Variants in ZPBP observed in about 807,000 individuals in gnomAD.
ZPBP encodes zona pellucida binding protein, also known as zona pellucida-binding protein 1.
ZPBP carries 26 observed loss-of-function variants against 44.8 expected under a neutral mutation model. The ratio of observed to expected loss-of-function variants is 0.58; its 90% CI spans 0.43 to 0.81. The LOEUF (loss-of-function observed/expected upper bound fraction) is 0.81. ZPBP is among the 30% of genes least tolerant of loss of function. The pLI, the probability that ZPBP is intolerant of heterozygous loss-of-function variation, is 0.00. For synonymous variants in ZPBP, 174 were observed against 153.2 expected, an observed-to-expected ratio of 1.14 and a Z score of -1.00; for missense variants, 409 against 434.0, an observed-to-expected ratio of 0.94 and a Z score of 0.51.
At chr7:49,848,316 G>A (rs145470064), downstream of ZPBP, among the ~76,000 whole-genome samples, 1,705 of 152,270 alleles carry the variant, frequency 0.011, 31 homozygotes, top group African/African-American at 0.038. Context: ...GTCTTTCCAG[G>A]ATCTTCTCTC....
In ZPBP at chr7:49,981,630, T is replaced by TA. The variant is rs1796962378; in HGVS notation, c.961+1711dup. Reference sequence around the variant, plus strand: ...TATATAATTATATTATATTATATTATATTATATATTATATAATATCTTGAT... The same window carrying TA: ...TATATAATTATATTATATTATATTATAATTATATATTATATAATATCTTGAT... On this transcript the variant is annotated intron_variant, in intron 7 of 7. Coordinates refer to ENST00000046087, the MANE Select transcript of ZPBP (RefSeq NM_007009.3). Among the ~76,000 whole-genome samples, 2 of 45,976 alleles carry TA rather than the reference T, an allele frequency of 4.4e-5. 1 individual carries two copies. The highest frequency in any genetic ancestry group is 6.5e-5 in the Non-Finnish European group (2 of 30,948). 30.2% of individuals were successfully genotyped at this position (45,976 alleles called of 152,430 possible).
At chr7:49,882,087 C>CA (rs1791688908) in intron 2 of ZPBP, among the ~76,000 whole-genome samples, 1 of 151,732 alleles carries the variant, frequency 6.6e-6, no homozygotes. Context: ...TTATTTAAAA[C>CA]AAAAAATGAT....
At chr7:49,986,434 G>A (rs1175121866) in intron 6 of ZPBP, among the ~76,000 whole-genome samples, 2 of 152,158 alleles carry the variant, frequency 1.3e-5, no homozygotes, top group Non-Finnish European at 2.9e-5. Context: ...ATGCCCAAAG[G>A]GTCCTGCGTG....
chr7:49,851,655 C>T (rs931291505), intron 2 of ZPBP, among the ~76,000 whole-genome samples: 12 of 152,096 alleles, frequency 7.9e-5, no homozygotes, highest in African/African-American at 1.2e-4. Flanking sequence ...GTCAGGAGAT[C>T]GAGACCACCC....
intron 6 of ZPBP, among the ~76,000 whole-genome samples, chr7:50,001,844 G>C (rs1798111701): frequency 6.6e-6 from 1 of 152,154 alleles, no homozygotes; most frequent in Admixed American, 6.6e-5. Context: ...AGAGAAGAGA[G>C]AGCTGCATAG....
downstream of ZPBP, among the ~76,000 whole-genome samples, chr7:49,934,721 A>ATT (rs1794565983): frequency 6.6e-6 from 1 of 152,136 alleles, no homozygotes; most frequent in South Asian, 2.1e-4. Context: ...TGGATGTAAT[A>ATT]TTTCACTTTA....
intron 7 of ZPBP, among the ~76,000 whole-genome samples, chr7:49,960,311 C>T (rs1036293544): frequency 6.6e-6 from 1 of 151,930 alleles, no homozygotes; most frequent in Non-Finnish European, 1.5e-5. Context: ...ATCTCAGCTA[C>T]TCGAGAGGCT....
At chr7:50,035,061 G>A (rs1799770665) in intron 4 of ZPBP, among the ~76,000 whole-genome samples, 1 of 152,208 alleles carries the variant, frequency 6.6e-6, no homozygotes, top group Non-Finnish European at 1.5e-5. Context: ...GAAAGCACCA[G>A]CAGGCACCAA....
chr7:49,998,957 G>T (rs1465801639), intron 6 of ZPBP, among the ~76,000 whole-genome samples: 1 of 151,974 alleles, frequency 6.6e-6, no homozygotes, highest in African/African-American at 2.4e-5. Flanking sequence ...TTTGAAACCT[G>T]AAATGGTTCA....
At chr7:50,068,921 G>A (rs796981575) in intron 3 of ZPBP, among the ~76,000 whole-genome samples, 2 of 152,228 alleles carry the variant, frequency 1.3e-5, no homozygotes, top group Middle Eastern at 3.4e-3. Flanking sequence ...TTTTATATTG[G>A]TTGCCTTTCT....
At chr7:50,042,865 C>T (rs964911011) in intron 4 of ZPBP, among the ~76,000 whole-genome samples, 9 of 152,174 alleles carry the variant, frequency 5.9e-5, no homozygotes, top group Non-Finnish European at 8.8e-5. Context: ...TTAAAAGACA[C>T]AGAATGGCAA....
At chr7:50,038,118 C>T (rs1799903944) in intron 4 of ZPBP, among the ~76,000 whole-genome samples, 2 of 152,118 alleles carry the variant, frequency 1.3e-5, no homozygotes. Context: ...ATACCTACGA[C>T]TCCTGCTACC....
rs188486502 is a variant in ZPBP, at chr7:49,955,533, G to A, written c.962-17911C>T. On this transcript the variant is annotated intron_variant, in intron 7 of 7. Coordinates refer to ENST00000046087, the MANE Select transcript of ZPBP (RefSeq NM_007009.3). ...GATCACGCCACTGCACTCCAGCCTG[G>A]GCAAGAGAGCGAGACTCTGTCTCAA... is the stretch of plus-strand genomic sequence containing the variant. Among the ~76,000 whole-genome samples the A allele has an allele frequency of 3.6e-3, 545 of 152,094 alleles. 3 individuals are homozygous for A. Among genetic ancestry groups the A allele is most frequent in the African/African-American group, 0.012 (516 of 41,486 alleles).
At chr7:49,990,029 T>A (rs936920739) in intron 6 of ZPBP, among the ~76,000 whole-genome samples, 1 of 151,754 alleles carries the variant, frequency 6.6e-6, no homozygotes, top group Non-Finnish European at 1.5e-5. Flanking sequence ...TGATAAAGAG[T>A]CCCCCCAAAA....
chr7:49,998,508 G>A (rs191163026), intron 6 of ZPBP, among the ~76,000 whole-genome samples: 1 of 152,178 alleles, frequency 6.6e-6, no homozygotes, highest in Non-Finnish European at 1.5e-5. Context: ...ATGTTCAGAA[G>A]TATTATACAG....
chr7:50,057,280 T>A (rs1800993515), intron 4 of ZPBP, among the ~76,000 whole-genome samples: 1 of 151,606 alleles, frequency 6.6e-6, no homozygotes, highest in Non-Finnish European at 1.5e-5. Flanking sequence ...TTGGGGGATA[T>A]GCCTGCAGCT....
intron 1 of ZPBP, among the ~76,000 whole-genome samples, chr7:50,090,623 G>GTA (rs1802931980): frequency 1.3e-5 from 2 of 148,268 alleles, no homozygotes. Flanking sequence ...GTGTATATAT[G>GTA]TGTATATATA....
chr7:50,017,067 A>G (rs1798850988), intron 6 of ZPBP, among the ~76,000 whole-genome samples: 1 of 152,078 alleles, frequency 6.6e-6, no homozygotes, highest in African/African-American at 2.4e-5. Flanking sequence ...GGGTGACTCA[A>G]GGGCATTACA....
chr7:50,087,546 G>A (rs1457534664), intron 2 of ZPBP, among the ~76,000 whole-genome samples: 1 of 151,938 alleles, frequency 6.6e-6, no homozygotes, highest in East Asian at 1.9e-4. Context: ...AAAACTCACA[G>A]ATAACATCAT....
Sources: allele counts gnomAD v4.1 joint callset (sites outside exome capture counted in the v4.1 genomes callset), GRCh38; gene constraint gnomAD v4.1.1; transcripts MANE v1.5; gene names NCBI Gene and HGNC (gene_info 2026-07-23, HGNC 2026-07-21).